Variants in TLE1 observed in about 807,000 individuals in gnomAD.
TLE1 encodes the protein transducin-like enhancer protein 1.
A neutral mutation model predicts 89.8 loss-of-function variants in TLE1; 21 were observed. The observed-to-expected ratio is 0.23, with a 90% CI of 0.17 to 0.34. The LOEUF (loss-of-function observed/expected upper bound fraction) is 0.34, where lower values mean the gene tolerates loss of function less well. Among genes scored for constraint, TLE1 ranks in the 10% least tolerant of loss-of-function variants. The pLI, the probability that TLE1 is intolerant of heterozygous loss-of-function variation, is 1.00. For synonymous variants in TLE1, 447 were observed against 407.6 expected, an observed-to-expected ratio of 1.10 and a Z score of -1.16; for missense variants, 795 against 1,031.2, an observed-to-expected ratio of 0.77 and a Z score of 3.14.
At chr9:81,617,759 C>T (rs1734217587) in intron 9 of TLE1, among the ~76,000 whole-genome samples, 1 of 151,964 alleles carries the variant, frequency 6.6e-6, no homozygotes, top group Non-Finnish European at 1.5e-5. Flanking sequence ...GGCGCGGTGG[C>T]TCAAGCCTAT....
At chr9:81,589,377 C>T (rs757365643) in intron 16 of TLE1, among the ~76,000 whole-genome samples, 6 of 152,150 alleles carry the variant, frequency 3.9e-5, no homozygotes, top group Admixed American at 1.3e-4. Flanking sequence ...CTGTTCAGAA[C>T]GTGCTGGGTT....
chr9:81,615,828 G>T (rs1003463836), intron 11 of TLE1, among the ~76,000 whole-genome samples, 154 bp downstream of exon 11: 4 of 152,100 alleles, frequency 2.6e-5, no homozygotes, highest in African/African-American at 2.4e-5. Context: ...ACCCTGAATG[G>T]TGACAAAGAA....
At chr9:81,631,443 C>A (rs1826591191) in intron 8 of TLE1, among the ~76,000 whole-genome samples, 1 of 152,222 alleles carries the variant, frequency 6.6e-6, no homozygotes, top group African/African-American at 2.4e-5. Context: ...TTCCACAATT[C>A]TGATACCAGT....
intron 14 of TLE1, among the ~76,000 whole-genome samples, chr9:81,609,389 C>A (rs941268077): frequency 1.3e-5 from 2 of 152,174 alleles, no homozygotes; most frequent in African/African-American, 4.8e-5. Flanking sequence ...CTGGCCTCTG[C>A]TATTTTCTAT....
At chr9:81,616,548 C>G (rs992195658) in intron 10 of TLE1, 98 bp downstream of exon 10, 65 of 1,308,578 alleles carry the variant, frequency 5.0e-5, no homozygotes, top group Non-Finnish European at 7.0e-5. Flanking sequence ...AGAGGTCCCC[C>G]CACCGAGGGG....
At chr9:81,653,083 T>C (rs1829755471) in intron 5 of TLE1, among the ~76,000 whole-genome samples, 1 of 152,172 alleles carries the variant, frequency 6.6e-6, no homozygotes, top group Admixed American at 6.5e-5. Context: ...CATAGAGCCG[T>C]GGATCACTAA....
At chr9:81,642,161 C>T (rs147782475) in intron 6 of TLE1, among the ~76,000 whole-genome samples, 1 of 152,236 alleles carries the variant, frequency 6.6e-6, no homozygotes, top group Admixed American at 6.5e-5. Context: ...TAAATTGGTA[C>T]AGCCCTGATG....
At chr9:81,612,227 G>T (rs768600733) in intron 12 of TLE1, 2 of 917,020 alleles carry the variant, frequency 2.2e-6, no homozygotes, top group Non-Finnish European at 2.8e-6. Flanking sequence ...GAAGCCAGGG[G>T]AATTAAGAGT....
chr9:81,655,247 C>A (rs534198101), intron 4 of TLE1, among the ~76,000 whole-genome samples: 1 of 151,980 alleles, frequency 6.6e-6, no homozygotes, highest in Non-Finnish European at 1.5e-5. Flanking sequence ...GCCTGTAATA[C>A]CAGCTACTCG....
intron 2 of TLE1, among the ~76,000 whole-genome samples, chr9:81,686,904 T>C (rs1382869506): frequency 2.0e-5 from 3 of 152,200 alleles, no homozygotes; most frequent in South Asian, 2.1e-4. Context: ...CCTTCCTTAA[T>C]GGACTTTGCC....
Position 81,585,715 on chromosome 9 carries a change from C to T in TLE1, c.1978-60G>A, listed in dbSNP as rs566383993. On this transcript the variant is annotated intron_variant, in intron 17 of 19. Transcript: ENST00000376499. ...GCCTGATACACTTAGGAAGGGAAGA[C>T]GCAATGTGAAAAGTGGGGAAATAGC... 19 of 1,581,478 alleles carry T rather than the reference C, an allele frequency of 1.2e-5. No homozygotes were observed. In the South Asian group the frequency reaches 1.3e-4, roughly 10 times the overall value.
intron 11 of TLE1, among the ~76,000 whole-genome samples, chr9:81,613,980 C>G (rs7865507): frequency 0.15 from 23,137 of 149,536 alleles, 3,267 homozygotes; most frequent in East Asian, 0.57. Context: ...CAATCTCGGC[C>G]TACTACAAGC....
intron 12 of TLE1, 25 bp downstream of exon 12, chr9:81,613,352 A>G (rs2132079901): frequency 6.2e-7 from 1 of 1,607,192 alleles, no homozygotes; most frequent in African/African-American, 1.3e-5. Context: ...AACCAAACAA[A>G]GCACAACAAG....
chr9:81,600,205 C>G lies in TLE1; in HGVS notation c.1332-6931G>C. On this transcript the variant is annotated intron_variant, in intron 14 of 19. Transcript: ENST00000376499. Reference sequence around the variant, plus strand: ...AATATATTGCTATTTCAAAGCTAAACTAAAAAATTCCAGCAAAGGAACTAT... The same window carrying G: ...AATATATTGCTATTTCAAAGCTAAAGTAAAAAATTCCAGCAAAGGAACTAT... 3 of 647,108 alleles carry G rather than the reference C, an allele frequency of 4.6e-6. No homozygotes were observed. In the South Asian group the frequency reaches 5.4e-5, roughly 12 times the overall value. The allele number at this position is 647,108 out of a possible 1,614,324, so 40.1% of individuals were successfully genotyped here.
At chr9:81,657,796 C>T (rs1487666673) in intron 4 of TLE1, among the ~76,000 whole-genome samples, 2 of 151,764 alleles carry the variant, frequency 1.3e-5, no homozygotes, top group Non-Finnish European at 1.5e-5. Context: ...AAATCATCTC[C>T]AGATTACTTA....
chr9:81,632,376 T>TA (rs1407186227), intron 8 of TLE1, among the ~76,000 whole-genome samples: 1 of 151,828 alleles, frequency 6.6e-6, no homozygotes. Flanking sequence ...TAAAAGTAGC[T>TA]ACTATTCTAC....
intron 13 of TLE1, 113 bp downstream of exon 13, chr9:81,611,656 G>C: frequency 1.9e-6 from 2 of 1,073,062 alleles, no homozygotes; most frequent in Non-Finnish European, 2.4e-6. Context: ...AGGTGTGTGG[G>C]GCTGGCTGCT....
intron 6 of TLE1, 122 bp from the exon 7 acceptor site, chr9:81,634,423 A>G: frequency 1.3e-6 from 1 of 769,090 alleles, no homozygotes; most frequent in Non-Finnish European, 1.9e-6. Context: ...GCGGAAACAG[A>G]ACAGGAGGTT....
chr9:81,681,095 C>T (rs1045363029), intron 4 of TLE1, among the ~76,000 whole-genome samples: 2 of 152,160 alleles, frequency 1.3e-5, no homozygotes, highest in Admixed American at 6.5e-5. Context: ...TTAAAGCACA[C>T]ATCAAAACTG....
Sources: allele counts gnomAD v4.1 joint callset (sites outside exome capture counted in the v4.1 genomes callset), GRCh38; gene constraint gnomAD v4.1.1; transcripts MANE v1.5; gene names NCBI Gene and HGNC (gene_info 2026-07-23, HGNC 2026-07-21).